CPED1: variants seen among roughly 807,000 people sequenced by gnomAD.
The protein encoded by CPED1 is cadherin-like and PC-esterase domain-containing protein 1.
A neutral mutation model predicts 128.2 loss-of-function variants in CPED1; 114 were observed. The observed-to-expected ratio is 0.89, with a 90% CI of 0.76 to 1.04. The LOEUF is 1.04. Ranked by LOEUF, CPED1 falls within the 50% of genes least tolerant of loss-of-function variation. CPED1 has a pLI of 0.00. For missense variants in CPED1, 1,211 were observed against 1,207.1 expected, an observed-to-expected ratio of 1.00 and a Z score of -0.05; for synonymous variants, 462 against 426.7, an observed-to-expected ratio of 1.08 and a Z score of -1.02.
At chr7:121,093,835 T>C (rs1794633964) in intron 5 of CPED1, among the ~76,000 whole-genome samples, 1 of 152,096 alleles carries the variant, frequency 6.6e-6, no homozygotes, top group Non-Finnish European at 1.5e-5. Context: ...CCTGGGGAGC[T>C]CCTCTACCCC....
chr7:121,157,962 A>C (rs1250120569), intron 16 of CPED1, among the ~76,000 whole-genome samples: 1 of 152,140 alleles, frequency 6.6e-6, no homozygotes, highest in Non-Finnish European at 1.5e-5. Context: ...GTTAAATCTT[A>C]GTGGCATTGT....
At chr7:121,231,370 T>G (rs1381339614) in intron 16 of CPED1, among the ~76,000 whole-genome samples, 1 of 152,140 alleles carries the variant, frequency 6.6e-6, no homozygotes, top group Admixed American at 6.6e-5. Context: ...TAATGGGTTC[T>G]AATTTTTTAT....
At chr7:121,041,222 G>C (rs1382412654) in intron 3 of CPED1, among the ~76,000 whole-genome samples, 3 of 151,984 alleles carry the variant, frequency 2.0e-5, no homozygotes, top group African/African-American at 7.2e-5. Flanking sequence ...GTTATTCACT[G>C]ATTCACTCAT....
intron 5 of CPED1, among the ~76,000 whole-genome samples, chr7:121,077,429 A>G (rs752412478): frequency 1.2e-3 from 177 of 152,240 alleles, no homozygotes; most frequent in Non-Finnish European, 1.9e-3. Flanking sequence ...AGATAAGCAA[A>G]AAGAAAGCAA....
chr7:121,126,837 A>G (rs1460034592), intron 9 of CPED1, among the ~76,000 whole-genome samples: 2 of 152,164 alleles, frequency 1.3e-5, no homozygotes, highest in Admixed American at 6.5e-5. Context: ...TCAGCTATAA[A>G]GGGTATCGAG....
chr7:121,038,718 C>T (rs2116880667), intron 3 of CPED1, among the ~76,000 whole-genome samples: 1 of 151,996 alleles, frequency 6.6e-6, no homozygotes, highest in East Asian at 1.9e-4. Flanking sequence ...TCATTCAGCT[C>T]ACTCCTCTTG....
chr7:121,008,417 T>G (rs981634657), intron 2 of CPED1, among the ~76,000 whole-genome samples: 1 of 152,174 alleles, frequency 6.6e-6, no homozygotes, highest in African/African-American at 2.4e-5. Flanking sequence ...CAATAAAAAG[T>G]ATTATGGTAC....
intron 2 of CPED1, among the ~76,000 whole-genome samples, chr7:121,009,076 C>G (rs1355521347): frequency 6.6e-6 from 1 of 151,912 alleles, no homozygotes; most frequent in African/African-American, 2.4e-5. Flanking sequence ...CTGGGTTTAT[C>G]CTAGTTTATT....
chr7:121,054,630 T>C (rs761987392), intron 4 of CPED1, among the ~76,000 whole-genome samples: 3 of 151,314 alleles, frequency 2.0e-5, no homozygotes, highest in East Asian at 1.9e-4. Flanking sequence ...ATTATTTGAG[T>C]CCCCAACCTC....
chr7:121,035,089 G>A (rs1196702838), intron 3 of CPED1, among the ~76,000 whole-genome samples: 1 of 152,116 alleles, frequency 6.6e-6, no homozygotes, highest in Non-Finnish European at 1.5e-5. Flanking sequence ...AGAGCTTGGA[G>A]TTTCAGGGAC....
At chr7:121,036,518 C>T (rs9641649) in intron 3 of CPED1, among the ~76,000 whole-genome samples, 29,930 of 135,398 alleles carry the variant, frequency 0.22, 3,403 homozygotes, top group East Asian at 0.3. Flanking sequence ...TTTTTTTTTT[C>T]TTTCTTTATC....
chr7:121,172,703 T>TA (rs61009285), intron 16 of CPED1, among the ~76,000 whole-genome samples: 1 of 151,998 alleles, frequency 6.6e-6, no homozygotes, highest in South Asian at 2.1e-4. Flanking sequence ...GATAGATAGA[T>TA]GTATTAGTTA....
chr7:121,158,431 C>G (rs10227584), intron 16 of CPED1, among the ~76,000 whole-genome samples: 43 of 152,258 alleles, frequency 2.8e-4, no homozygotes, highest in African/African-American at 1.0e-3. Flanking sequence ...CAGCTTCTCA[C>G]CCCCTTTCAT....
chr7:121,149,032 A>G (rs972341623), intron 16 of CPED1, among the ~76,000 whole-genome samples: 10 of 152,104 alleles, frequency 6.6e-5, no homozygotes, highest in Non-Finnish European at 2.9e-5. Flanking sequence ...TTCAATATCA[A>G]ATGACCTGGG....
intron 4 of CPED1, chr7:121,051,190 G>C (rs1014733617): frequency 9.8e-6 from 5 of 512,692 alleles, no homozygotes; most frequent in African/African-American, 2.0e-5. Context: ...AGGAGAGAAA[G>C]AAACCAAGTC....
intron 7 of CPED1, among the ~76,000 whole-genome samples, chr7:121,104,184 G>A (rs1440391687): frequency 1.3e-5 from 2 of 151,996 alleles, no homozygotes; most frequent in Non-Finnish European, 2.9e-5. Context: ...TACTTGATGA[G>A]TATAATAAAT....
Position 121,244,275 on chromosome 7 carries a change from C to T in CPED1, c.2247C>T (p.Pro749=). ...ACTGGAGAGAAATAACCTGGCAGCC[C>T]CACAACTGCCAATATGGTGTCCTAA... The part of the protein sequence containing the change: ...TCDWREITWQ[P]HNCQYGVLTK... Residue 749 remains proline, a synonymous_variant, in exon 18 of 23, where the codon CCC becomes CCT. Coordinates refer to ENST00000310396, the MANE Select transcript of CPED1 (RefSeq NM_024913.5). 6.2e-7 allele frequency: 1 copy of T among 1,613,938 alleles called. No homozygotes were observed. Among genetic ancestry groups the T allele is most frequent in the Non-Finnish European group, 8.5e-7 (1 of 1,179,860 alleles).
intron 16 of CPED1, among the ~76,000 whole-genome samples, chr7:121,176,877 C>G (rs1172566858): frequency 1.3e-5 from 2 of 151,990 alleles, no homozygotes; most frequent in Non-Finnish European, 2.9e-5. Context: ...GAGATTTCTG[C>G]CATCCTTGGA....
At chr7:121,023,401 C>A (rs1792491965) in intron 3 of CPED1, among the ~76,000 whole-genome samples, 1 of 152,064 alleles carries the variant, frequency 6.6e-6, no homozygotes, top group Admixed American at 6.6e-5. Context: ...CAGCCCAGAA[C>A]AAAAAGTAGG....
Sources: gnomAD v4.1 joint callset for allele counts (sites outside exome capture counted in the v4.1 genomes callset) on GRCh38, gnomAD v4.1.1 for gene constraint, MANE v1.5 for transcripts, NCBI Gene and HGNC (gene_info 2026-07-23, HGNC 2026-07-21) for gene names.